The following TP63 variants were observed in gnomAD, a reference collection of about 807,000 sequenced individuals.
TP63 encodes the protein tumor protein p63.
TP63 carries 17 observed loss-of-function variants against 82.8 expected under a neutral mutation model. That is an observed-to-expected ratio of 0.21 (90% confidence interval 0.14 to 0.31). The LOEUF (loss-of-function observed/expected upper bound fraction) is 0.31, where lower values mean the gene tolerates loss of function less well. TP63 is among the 10% of genes least tolerant of loss of function. TP63 has a pLI of 1.00. For missense variants in TP63, 648 were observed against 895.3 expected (o/e 0.72, Z 3.52); for synonymous variants, 330 against 321.7 (o/e 1.03, Z -0.28).
the TP63 span, among the ~76,000 whole-genome samples, chr3:189,603,671 AAAAAAG>A: frequency 0.22 from 25,093 of 112,590 alleles, 4,455 homozygotes; most frequent in Non-Finnish European, 0.31. Flanking sequence ...AAAAAAAAAA[AAAAAAG>A]AAGCACAGTC....
At chr3:189,825,514 A>C (rs1276022248) in intron 4 of TP63, among the ~76,000 whole-genome samples, 1 of 152,228 alleles carries the variant, frequency 6.6e-6, no homozygotes, top group Non-Finnish European at 1.5e-5. Flanking sequence ...AAATACATGG[A>C]TATTTGCTTC....
chr3:189,717,551 A>G (rs1044696300), intron 1 of TP63, among the ~76,000 whole-genome samples: 1 of 152,200 alleles, frequency 6.6e-6, no homozygotes, highest in African/African-American at 2.4e-5. Flanking sequence ...CTTTAAACTC[A>G]ATACACTAAA....
intron 3 of TP63, among the ~76,000 whole-genome samples, chr3:189,792,526 C>T (rs1229751641): frequency 1.3e-5 from 2 of 151,996 alleles, no homozygotes; most frequent in Non-Finnish European, 1.5e-5. Flanking sequence ...TAAAATTCCT[C>T]ATCCGGGGTT....
intron 1 of TP63, among the ~76,000 whole-genome samples, chr3:189,700,240 A>T (rs1044203405): frequency 6.6e-6 from 1 of 152,136 alleles, no homozygotes; most frequent in Non-Finnish European, 1.5e-5. Flanking sequence ...CAGCATTGTG[A>T]TGAGAGGAAA....
chr3:189,796,461 A>G (rs565105012), intron 3 of TP63, among the ~76,000 whole-genome samples: 36 of 152,118 alleles, frequency 2.4e-4, no homozygotes, highest in African/African-American at 8.7e-4. Context: ...CAGTGACTTG[A>G]TTTAAAGCCA....
At chr3:189,823,942 A>G (rs1729061899) in intron 4 of TP63, among the ~76,000 whole-genome samples, 1 of 152,140 alleles carries the variant, frequency 6.6e-6, no homozygotes. Flanking sequence ...GTGCTGGTTC[A>G]GTGAGATAAC....
chr3:189,772,890 A>G (rs2108560596), intron 3 of TP63, among the ~76,000 whole-genome samples: 1 of 152,336 alleles, frequency 6.6e-6, no homozygotes, highest in Non-Finnish European at 1.5e-5. Flanking sequence ...TAATAAGTAG[A>G]TAATACTACT....
At chr3:189,688,516 T>C (rs982842196) in intron 1 of TP63, among the ~76,000 whole-genome samples, 3 of 152,156 alleles carry the variant, frequency 2.0e-5, no homozygotes, top group Admixed American at 6.5e-5. Flanking sequence ...CTGTTTCATC[T>C]CCTCTGGCTC....
At chr3:189,606,494 C>A in the TP63 span, among the ~76,000 whole-genome samples, 1 of 141,616 alleles carries the variant, frequency 7.1e-6, no homozygotes, top group South Asian at 2.3e-4. Flanking sequence ...AGACAGCCTT[C>A]TAAGATGGCC....
chr3:189,808,243 A>C, intron 3 of TP63, 29 bp from the exon 4 acceptor site: 8 of 1,614,202 alleles, frequency 5.0e-6, no homozygotes, highest in Non-Finnish European at 6.8e-6. Context: ...TTCAGCGGCT[A>C]ATATTGGGGT....
At chr3:189,818,072 A>G (rs1728389346) in intron 4 of TP63, among the ~76,000 whole-genome samples, 1 of 151,862 alleles carries the variant, frequency 6.6e-6, no homozygotes, top group South Asian at 2.1e-4. Context: ...CCTTTCTTCT[A>G]TCTTTCTGCC....
At chr3:189,836,418 G>A (rs1451830138) in intron 4 of TP63, among the ~76,000 whole-genome samples, 1 of 152,140 alleles carries the variant, frequency 6.6e-6, no homozygotes, top group Non-Finnish European at 1.5e-5. Context: ...GTGTTTGCTA[G>A]CCTTGGAAAG....
chr3:189,639,582 A>G (rs776582439), intron 1 of TP63, among the ~76,000 whole-genome samples: 85 of 152,146 alleles, frequency 5.6e-4, no homozygotes, highest in Admixed American at 9.2e-4. Context: ...CTTTCGTTTC[A>G]AATGAGTAAA....
intron 4 of TP63, among the ~76,000 whole-genome samples, chr3:189,852,893 C>G (rs1715828440): frequency 6.6e-6 from 1 of 152,154 alleles, no homozygotes; most frequent in South Asian, 2.1e-4. Context: ...GTTAACATCC[C>G]CTTGCTTTTA....
At chr3:189,796,808 A>G (rs1173577751) in intron 3 of TP63, among the ~76,000 whole-genome samples, 1 of 151,862 alleles carries the variant, frequency 6.6e-6, no homozygotes, top group Non-Finnish European at 1.5e-5. Flanking sequence ...CATTTTCTGC[A>G]AAAAAAATTA....
At chr3:189,804,182 A>T (rs1412307897) in intron 3 of TP63, among the ~76,000 whole-genome samples, 1 of 152,238 alleles carries the variant, frequency 6.6e-6, no homozygotes, top group Non-Finnish European at 1.5e-5. Flanking sequence ...TGTCATTGTC[A>T]GTAAGCATTG....
intron 3 of TP63, among the ~76,000 whole-genome samples, chr3:189,767,871 C>T (rs534021606): frequency 6.6e-6 from 1 of 152,216 alleles, no homozygotes; most frequent in Non-Finnish European, 1.5e-5. Context: ...AATTCTCTAC[C>T]ATTTAGTGAT....
intron 1 of TP63, among the ~76,000 whole-genome samples, chr3:189,716,233 C>T (rs1235259665): frequency 1.3e-5 from 2 of 152,112 alleles, no homozygotes; most frequent in African/African-American, 4.8e-5. Context: ...GTATTAGATA[C>T]CTCCCTTTTA....
intron 1 of TP63, among the ~76,000 whole-genome samples, chr3:189,724,828 C>T (rs556909284): frequency 9.0e-4 from 137 of 152,196 alleles, no homozygotes; most frequent in African/African-American, 3.3e-3. Context: ...CATCCGGGAA[C>T]GGGGCAATCA....
Sources: allele counts gnomAD v4.1 joint callset (sites outside exome capture counted in the v4.1 genomes callset), GRCh38; gene constraint gnomAD v4.1.1; transcripts MANE v1.5; gene names NCBI Gene and HGNC (gene_info 2026-07-23, HGNC 2026-07-21).